The following IGSF23 variants were observed in gnomAD, a reference collection of about 807,000 sequenced individuals.
The protein encoded by IGSF23 is immunoglobulin superfamily, member 23.
In IGSF23, 14 loss-of-function variants were observed where a neutral mutation model predicts 17.8. That is an observed-to-expected ratio of 0.79 (90% CI 0.52 to 1.23). The LOEUF is 1.23. Among genes scored for constraint, IGSF23 ranks in the 50% most tolerant of loss-of-function variants. The probability of loss-of-function intolerance (pLI) is 0.00; values close to 1 mark genes in which losing one functional copy is unlikely to be tolerated. For missense variants in IGSF23, 214 were observed against 241.7 expected, an observed-to-expected ratio of 0.89 and a Z score of 0.76; for synonymous variants, 85 against 92.5, an observed-to-expected ratio of 0.92 and a Z score of 0.46.
intron 1 of IGSF23, among the ~76,000 whole-genome samples, chr19:44,620,384 T>TGTGA (rs367864064): frequency 8.2e-4 from 118 of 143,052 alleles, no homozygotes; most frequent in Non-Finnish European, 1.2e-3. Flanking sequence ...TGTGTGTGTG[T>TGTGA]GAGATGGAGC....
intron 3 of IGSF23, among the ~76,000 whole-genome samples, chr19:44,629,355 C>T (rs557353040): frequency 6.6e-5 from 10 of 152,054 alleles, no homozygotes; most frequent in Admixed American, 3.9e-4. Flanking sequence ...AGTTTGAGAC[C>T]GGCCTGGGCA....
At chr19:44,616,472 C>T (rs1314773768) in intron 1 of IGSF23, among the ~76,000 whole-genome samples, 2 of 151,790 alleles carry the variant, frequency 1.3e-5, no homozygotes, top group Non-Finnish European at 2.9e-5. Context: ...CCCAGGCAGG[C>T]GGATCACAAG....
intron 1 of IGSF23, among the ~76,000 whole-genome samples, chr19:44,616,989 C>T (rs777507947): frequency 6.6e-6 from 1 of 151,892 alleles, no homozygotes; most frequent in Non-Finnish European, 1.5e-5. Context: ...ACCTCAAACT[C>T]CTGGACTTGA....
intron 1 of IGSF23, among the ~76,000 whole-genome samples, chr19:44,620,516 G>A (rs911083291): frequency 6.6e-6 from 1 of 151,938 alleles, no homozygotes; most frequent in South Asian, 2.1e-4. Context: ...ACAGGCGCCC[G>A]CCACCACGCC....
intron 1 of IGSF23, among the ~76,000 whole-genome samples, chr19:44,621,308 T>C (rs1972515626): frequency 1.4e-5 from 2 of 146,974 alleles, no homozygotes; most frequent in African/African-American, 2.5e-5. Context: ...AAAATAGCCC[T>C]GTTTGTTTCA....
chr19:44,620,708 C>G (rs1019949821), intron 1 of IGSF23: 2 of 152,142 alleles, frequency 1.3e-5, no homozygotes, highest in Non-Finnish European at 2.9e-5. Context: ...ACACCTTCGC[C>G]TATGCCATTC....
chr19:44,621,482 C>A (rs1292552948), intron 1 of IGSF23, among the ~76,000 whole-genome samples: 1 of 151,646 alleles, frequency 6.6e-6, no homozygotes, highest in Non-Finnish European at 1.5e-5. Context: ...GACCCCATCT[C>A]TACAAAAAAT....
At chr19:44,635,269 C>T in intron 3 of IGSF23, 132 bp from the exon 4 acceptor site, 1 of 702,966 alleles carries the variant, frequency 1.4e-6, no homozygotes, top group South Asian at 1.8e-5. Flanking sequence ...AAGAATCTAT[C>T]TCCAAATATA....
intron 1 of IGSF23, among the ~76,000 whole-genome samples, chr19:44,619,605 G>C (rs1972465536): frequency 6.6e-6 from 1 of 152,206 alleles, no homozygotes; most frequent in Non-Finnish European, 1.5e-5. Context: ...TCTGAAGGAT[G>C]GATTGCAAGA....
intron 3 of IGSF23, chr19:44,632,561 TG>T: frequency 6.5e-6 from 1 of 154,716 alleles, no homozygotes; most frequent in Middle Eastern, 9.2e-4. Context: ...CCTTGGCATC[TG>T]GCTCATGCTA....
intron 1 of IGSF23, among the ~76,000 whole-genome samples, chr19:44,620,339 TTTTGTG>T (rs1372684694): frequency 5.3e-5 from 6 of 112,552 alleles, no homozygotes; most frequent in African/African-American, 1.1e-4. Flanking sequence ...TGATGACTAA[TTTTGTG>T]TGTGTGTGTG....
At chr19:44,614,009 G>T in intron 1 of IGSF23, 1 of 1,498,950 alleles carries the variant, frequency 6.7e-7, no homozygotes, top group South Asian at 1.2e-5. Flanking sequence ...GGAGACAGCG[G>T]CTTCACCACG....
At chr19:44,615,653 T>C (rs1405498996) in intron 1 of IGSF23, among the ~76,000 whole-genome samples, 3 of 150,724 alleles carry the variant, frequency 2.0e-5, no homozygotes, top group Admixed American at 6.6e-5. Context: ...TTCAGTTCCA[T>C]GTAATTTTAA....
chr19:44,625,851 A>G (rs1458670200), intron 2 of IGSF23, among the ~76,000 whole-genome samples: 1 of 152,140 alleles, frequency 6.6e-6, no homozygotes, highest in Non-Finnish European at 1.5e-5. Context: ...CGTGATAGTC[A>G]ATAAGTCTCA....
intron 1 of IGSF23, among the ~76,000 whole-genome samples, chr19:44,621,452 C>T (rs962817080): frequency 1.3e-5 from 2 of 151,758 alleles, no homozygotes; most frequent in Admixed American, 6.6e-5. Context: ...AGTTCAAGAC[C>T]AGCCTGGGCA....
At chr19:44,615,452 C>T (rs1168725044) in intron 1 of IGSF23, among the ~76,000 whole-genome samples, 2 of 151,692 alleles carry the variant, frequency 1.3e-5, no homozygotes, top group South Asian at 2.1e-4. Context: ...GGAGAAACCC[C>T]GTCTCTACTA....
chr19:44,618,049 TTCC>T (rs1568484447), intron 1 of IGSF23: 1 of 470,202 alleles, frequency 2.1e-6, no homozygotes. Context: ...GAATCAATGA[TTCC>T]TCCTCCTTCC....
intron 1 of IGSF23, among the ~76,000 whole-genome samples, chr19:44,621,243 A>C (rs1972512579): frequency 6.8e-6 from 1 of 146,622 alleles, no homozygotes. Context: ...TAACCTTGCC[A>C]CTGCACTCCA....
At chr19:44,620,041 C>A (rs1019647773) in intron 1 of IGSF23, among the ~76,000 whole-genome samples, 3 of 152,042 alleles carry the variant, frequency 2.0e-5, no homozygotes, top group Admixed American at 2.0e-4. Context: ...GAGGCCAAGG[C>A]GGGCAGATCA....
Sources: gnomAD v4.1 joint callset for allele counts (sites outside exome capture counted in the v4.1 genomes callset) on GRCh38, gnomAD v4.1.1 for gene constraint, MANE v1.5 for transcripts, NCBI Gene and HGNC (gene_info 2026-07-23, HGNC 2026-07-21) for gene names.